The following RABEP1 variants were observed in gnomAD, a reference collection of about 807,000 sequenced individuals.
RABEP1 encodes the protein rabaptin, RAB GTPase binding effector protein 1.
In RABEP1, 51 loss-of-function variants were observed where a neutral mutation model predicts 123.4. The ratio of observed to expected loss-of-function variants is 0.41; its 90% CI spans 0.33 to 0.52. RABEP1 has a LOEUF of 0.52. Among genes scored for constraint, RABEP1 ranks in the 20% least tolerant of loss-of-function variants. The pLI is 0.16. For missense variants in RABEP1, 888 were observed against 996.3 expected (o/e 0.89, Z 1.46); for synonymous variants, 347 against 355.2 (o/e 0.98, Z 0.26).
chr17:5,381,752 G>GCATA, intron 17 of RABEP1: 3 of 404,222 alleles, frequency 7.4e-6, no homozygotes, highest in Non-Finnish European at 1.3e-5. Flanking sequence ...TGACTCCTTA[G>GCATA]CATACCATGT....
chr17:5,335,241 A>G lies in RABEP1; in HGVS notation c.425A>G (p.Gln142Arg), dbSNP rs754191980. ...CTTAGGCTGGAGCAGGAGCGAACAC[A>G]GTGGGCACAGTATAGAGAATCCGCA... ...FHLRLEQERT[Q>R]WAQYRESAER... Residue 142 changes from glutamine (Q) to arginine (R), a missense_variant, in exon 4 of 18, where the codon CAG becomes CGG. By Grantham distance (43) the Gln-to-Arg change is conservative. Transcript: ENST00000537505. The G allele has an allele frequency of 6.2e-7, 1 of 1,614,086 alleles. No homozygotes were observed. Among genetic ancestry groups the G allele is most frequent in the Non-Finnish European group, 8.5e-7 (1 of 1,179,926 alleles).
At chr17:5,377,010 T>C in intron 13 of RABEP1, 106 bp from the exon 14 acceptor site, 1 of 1,216,292 alleles carries the variant, frequency 8.2e-7, no homozygotes, top group Non-Finnish European at 1.2e-6. Flanking sequence ...GTCTTAATTT[T>C]TGAACCATTA....
intron 2 of RABEP1, among the ~76,000 whole-genome samples, chr17:5,322,623 C>G (rs902419028): frequency 6.6e-6 from 1 of 151,928 alleles, no homozygotes; most frequent in African/African-American, 2.4e-5. Flanking sequence ...ACAGTAGATA[C>G]GGAAATCCTT....
intron 2 of RABEP1, among the ~76,000 whole-genome samples, chr17:5,324,692 T>C (rs911310342): frequency 4.6e-5 from 7 of 152,170 alleles, no homozygotes; most frequent in African/African-American, 1.7e-4. Flanking sequence ...ATAACTACAA[T>C]GTATGAAGAA....
At position 5,361,693 on chromosome 17, in the gene RABEP1, C is replaced by T. The variant is rs1239859996; in HGVS notation, c.1563+18C>T. ...AGAAAGAGGTGAGTTACCTTTCTCA[C>T]GTTTTTCCTCTTGCTCACGCTGAGG... On this transcript the variant is annotated intron_variant, in intron 9 of 17. Coordinates refer to ENST00000537505, the MANE Select transcript of RABEP1 (RefSeq NM_004703.6). The T allele has an allele frequency of 4.5e-6, 7 of 1,571,848 alleles. No individual in the cohort carries two copies. The South Asian group carries it at 5.9e-5, about 13-fold the overall frequency.
At chr17:5,318,225 T>G (rs1222042172) in intron 2 of RABEP1, among the ~76,000 whole-genome samples, 2 of 152,142 alleles carry the variant, frequency 1.3e-5, no homozygotes, top group East Asian at 3.8e-4. Flanking sequence ...ATATCAGAAG[T>G]GGACTTCAGT....
At chr17:5,297,441 A>C (rs749686027) in intron 1 of RABEP1, among the ~76,000 whole-genome samples, 3 of 152,218 alleles carry the variant, frequency 2.0e-5, no homozygotes, top group African/African-American at 7.2e-5. Context: ...ACTTCTGCTC[A>C]TGTGACTCAT....
intron 8 of RABEP1, 52 bp downstream of exon 8, chr17:5,354,542 A>G (rs1908852938): frequency 6.5e-7 from 1 of 1,528,176 alleles, no homozygotes; most frequent in Non-Finnish European, 8.8e-7. Context: ...CAACAATTTT[A>G]GCTTACTCAT....
At chr17:5,300,509 T>C (rs939209038) in intron 1 of RABEP1, among the ~76,000 whole-genome samples, 1 of 152,024 alleles carries the variant, frequency 6.6e-6, no homozygotes, top group Non-Finnish European at 1.5e-5. Flanking sequence ...TTCTCTCTCT[T>C]TCTTGGGGTG....
In RABEP1 at chr17:5,374,932, G is replaced by A. The variant is rs774946302; in HGVS notation, c.2025+1478G>A. ...GCGGGGATTACAGGCATCAGCCACCGCACCTGGCCTTTTTTTGTATTTTTA... is the reference window on the plus strand; with the variant it reads ...GCGGGGATTACAGGCATCAGCCACCACACCTGGCCTTTTTTTGTATTTTTA... On this transcript the variant is annotated intron_variant, in intron 13 of 17. Transcript: ENST00000537505. Among the ~76,000 whole-genome samples the A allele has an allele frequency of 1.1e-4, 16 of 152,088 alleles. No homozygotes were observed. In the South Asian group the frequency reaches 2.3e-3, roughly 22 times the overall value.
intron 1 of RABEP1, among the ~76,000 whole-genome samples, chr17:5,299,736 TTTTTTTTTTTTG>T (rs1567868016): frequency 8.0e-6 from 1 of 124,768 alleles, no homozygotes; most frequent in African/African-American, 3.2e-5. Context: ...TTTTTCTTTT[TTTTTTTTTTTTG>T]GAGGCAGAGT....
chr17:5,362,793 T>C (rs2144679924), intron 9 of RABEP1, 119 bp from the exon 10 acceptor site: 1 of 680,290 alleles, frequency 1.5e-6, no homozygotes, highest in East Asian at 2.7e-5. Flanking sequence ...CGTAAGGCCC[T>C]GAAGAAAGTG....
chr17:5,295,499 C>G (rs75773301), intron 1 of RABEP1, among the ~76,000 whole-genome samples: 4,522 of 147,796 alleles, frequency 0.031, 80 homozygotes, highest in Middle Eastern at 0.066. Context: ...TTATTTTTTT[C>G]TATTTCAAAG....
At chr17:5,290,588 A>G (rs1035590606) in intron 1 of RABEP1, among the ~76,000 whole-genome samples, 3 of 152,042 alleles carry the variant, frequency 2.0e-5, no homozygotes, top group African/African-American at 7.2e-5. Flanking sequence ...TAATTTAAAT[A>G]ATAATATTTA....
chr17:5,370,867 A>C lies in RABEP1; in HGVS notation c.1884+2399A>C, dbSNP rs527744151. Among the ~76,000 whole-genome samples the C allele has an allele frequency of 7.9e-5, 12 of 152,244 alleles. No individual in the cohort carries two copies. The East Asian group carries it at 2.1e-3, about 27-fold the overall frequency. On this transcript the variant is annotated intron_variant, in intron 12 of 17. Coordinates refer to ENST00000537505, the MANE Select transcript of RABEP1 (RefSeq NM_004703.6). ...TAGTTCTGCCCTTAGACTGTATCTC[A>C]GATAAGGGTTTACAGTTTAAGTACT...
In RABEP1 at chr17:5,377,915, G is replaced by A. The variant is rs1389400501; in HGVS notation, c.2216-262G>A. Among the ~76,000 whole-genome samples, 6 of 152,272 alleles carry A rather than the reference G, an allele frequency of 3.9e-5. No individual in the cohort carries two copies. The East Asian group carries it at 9.6e-4, about 24-fold the overall frequency. On this transcript the variant is annotated intron_variant, in intron 14 of 17. Coordinates refer to ENST00000537505, the MANE Select transcript of RABEP1 (RefSeq NM_004703.6). ...TACTTGAACCCAGAACCAGGGGAACGTGATTCAATGGGTGGCATTTCCCTG... is the reference window on the plus strand; with the variant it reads ...TACTTGAACCCAGAACCAGGGGAACATGATTCAATGGGTGGCATTTCCCTG...
Position 5,293,775 on chromosome 17 carries a change from C to A in RABEP1, c.34+11255C>A, listed in dbSNP as rs762194666. Among the ~76,000 whole-genome samples, 8 of 152,260 alleles carry A rather than the reference C, an allele frequency of 5.3e-5. No individual in the cohort carries two copies. In the East Asian group the frequency reaches 1.4e-3, roughly 26 times the overall value. On this transcript the variant is annotated intron_variant, in intron 1 of 17. Transcript: ENST00000537505. ...GACAAACTTATTGGTAATATTTTGA[C>A]ATTTTCAAAGATGTTCTCTGTCGCA... is the stretch of plus-strand genomic sequence containing the variant.
intron 2 of RABEP1, among the ~76,000 whole-genome samples, chr17:5,319,146 A>C (rs920759857): frequency 1.3e-5 from 2 of 151,888 alleles, no homozygotes; most frequent in South Asian, 4.1e-4. Context: ...CCTGGCCAAC[A>C]TGGTGAAACC....
chr17:5,322,378 C>T (rs9897955), intron 2 of RABEP1, among the ~76,000 whole-genome samples: 18,441 of 151,700 alleles, frequency 0.12, 1,297 homozygotes, highest in East Asian at 0.17. Flanking sequence ...AAGAAAAGAC[C>T]GTAAAAAGAG....
Sources: gnomAD v4.1 joint callset for allele counts (sites outside exome capture counted in the v4.1 genomes callset) on GRCh38, gnomAD v4.1.1 for gene constraint, MANE v1.5 for transcripts, NCBI Gene and HGNC (gene_info 2026-07-23, HGNC 2026-07-21) for gene names.